TTC7A: variants seen among roughly 807,000 people sequenced by gnomAD.
TTC7A encodes the protein tetratricopeptide repeat protein 7A.
In TTC7A, 110 loss-of-function variants were observed where a neutral mutation model predicts 103.7. The ratio of observed to expected loss-of-function variants is 1.06; its 90% CI spans 0.91 to 1.24. TTC7A has a LOEUF of 1.24. TTC7A is among the 50% of genes most tolerant of loss of function. The probability of loss-of-function intolerance (pLI) is 0.00; values close to 1 mark genes in which losing one functional copy is unlikely to be tolerated. For missense variants in TTC7A, 1,340 were observed against 1,116.3 expected, an observed-to-expected ratio of 1.20 and a Z score of -2.86; for synonymous variants, 521 against 467.9, an observed-to-expected ratio of 1.11 and a Z score of -1.47.
rs1036583764 is a variant in TTC7A at position 46,979,934 on chromosome 2, G to A, written c.764+1027G>A. Among the ~76,000 whole-genome samples the A allele has an allele frequency of 2.6e-5, 4 of 152,282 alleles. No individual in the cohort carries two copies. In the South Asian group the frequency reaches 6.2e-4, roughly 24 times the overall value. On this transcript the variant is annotated intron_variant, in intron 5 of 19. Coordinates refer to ENST00000319190, the MANE Select transcript of TTC7A (RefSeq NM_020458.4). Reference sequence around the variant, plus strand: ...GCAGCCGTCCCCCGTGCGTAGTCACGCCCTGCCTCACTCAGCCTTCCATGG... The same window carrying A: ...GCAGCCGTCCCCCGTGCGTAGTCACACCCTGCCTCACTCAGCCTTCCATGG...
rs1453524489 is a variant in TTC7A, at chr2:47,007,679, C to T, written c.1287+955C>T. ...CCTCGGCAGCCGAGGCAGGCCAGGC[C>T]CTGGCAGGGAGGGGGAAGAGGAGCA... On this transcript the variant is annotated intron_variant, in intron 10 of 19. Transcript: ENST00000319190. The surrounding 1 kb of genome is among the most constrained non-coding windows in gnomAD (Gnocchi z 4.9). Among the ~76,000 whole-genome samples, 2 of 152,150 alleles carry T rather than the reference C, an allele frequency of 1.3e-5. No individual in the cohort carries two copies. The highest frequency in any genetic ancestry group is 2.4e-5 in the African/African-American group (1 of 41,432).
chr2:46,944,423 A>G (rs1572682733), intron 1 of TTC7A, among the ~76,000 whole-genome samples: 1 of 111,090 alleles, frequency 9.0e-6, no homozygotes, highest in Non-Finnish European at 1.7e-5. Flanking sequence ...TCTTTCACCC[A>G]GACTGGAGTT....
intron 2 of TTC7A, among the ~76,000 whole-genome samples, chr2:46,954,461 A>G (rs1671671056): frequency 6.6e-6 from 1 of 152,188 alleles, no homozygotes; most frequent in Non-Finnish European, 1.5e-5. Flanking sequence ...TTAAGAAGCA[A>G]AAAATAGCAG....
chr2:47,043,779 G>A (rs373389547), intron 15 of TTC7A, among the ~76,000 whole-genome samples: 51 of 152,264 alleles, frequency 3.3e-4, no homozygotes, highest in African/African-American at 1.2e-3. Context: ...GAGAAAATCC[G>A]CTCTGGGCCA....
At chr2:46,975,782 G>C (rs746442136) in intron 4 of TTC7A, among the ~76,000 whole-genome samples, 25 of 151,772 alleles carry the variant, frequency 1.6e-4, no homozygotes, top group Admixed American at 3.9e-4. Context: ...TGTTACCCAG[G>C]CTGGAGTTCA....
chr2:47,004,208 A>G (rs1268311598), intron 8 of TTC7A, among the ~76,000 whole-genome samples: 3 of 152,200 alleles, frequency 2.0e-5, no homozygotes, highest in Non-Finnish European at 4.4e-5. Context: ...AACTGTGGCA[A>G]CAGGGCAGCC....
At chr2:46,945,841 T>A (rs1369510647) in intron 1 of TTC7A, among the ~76,000 whole-genome samples, 1 of 152,218 alleles carries the variant, frequency 6.6e-6, no homozygotes, top group Non-Finnish European at 1.5e-5. Context: ...TTCAGCCTTT[T>A]CCTCTTGGCT....
rs1048404148 is a variant in TTC7A at position 47,029,140 on chromosome 2, T to C, written c.1642-84T>C. 5 of 1,512,354 alleles carry C rather than the reference T, an allele frequency of 3.3e-6. No homozygotes were observed. The African/African-American group carries it at 5.5e-5, about 17-fold the overall frequency. 93.7% of individuals were successfully genotyped at this position (1,512,354 alleles called of 1,614,324 possible). A position where few individuals can be genotyped will look rare whatever the true frequency, so the allele number is the denominator to read the frequency against. On this transcript the variant is annotated intron_variant, in intron 14 of 19. Transcript: ENST00000319190. ...GGGGCTCCCTTGAGTTGAGTGTGAG[T>C]GCCCTTGTTGACTGGCACGTGGCTC...
chr2:47,030,058 C>T (rs1004073282), intron 15 of TTC7A, among the ~76,000 whole-genome samples: 2 of 152,196 alleles, frequency 1.3e-5, no homozygotes, highest in African/African-American at 4.8e-5. Flanking sequence ...GCCTTCTGCC[C>T]CTAAGGGCAG....
intron 3 of TTC7A, among the ~76,000 whole-genome samples, chr2:46,962,099 A>G (rs1445724661): frequency 6.6e-6 from 1 of 151,330 alleles, no homozygotes; most frequent in African/African-American, 2.4e-5. Flanking sequence ...CCCTCAACCA[A>G]TCTCCCTCTC....
intron 18 of TTC7A, among the ~76,000 whole-genome samples, chr2:47,059,837 G>A (rs1573063702): frequency 6.6e-6 from 1 of 152,122 alleles, no homozygotes; most frequent in Non-Finnish European, 1.5e-5. Flanking sequence ...TCTGTGCCCA[G>A]TTTTTGCCCC....
chr2:46,976,887 G>A (rs368391143), intron 4 of TTC7A, among the ~76,000 whole-genome samples: 7 of 152,278 alleles, frequency 4.6e-5, no homozygotes, highest in South Asian at 2.1e-4. Flanking sequence ...AGAAATGACC[G>A]ATGGGCTCAG....
intron 18 of TTC7A, chr2:47,054,049 C>A: frequency 2.1e-6 from 2 of 933,872 alleles, no homozygotes; most frequent in Non-Finnish European, 2.6e-6. Context: ...GCCTTTCAGT[C>A]ATTTGCACAT....
intron 4 of TTC7A, 135 bp downstream of exon 4, chr2:46,975,238 T>C: frequency 8.5e-7 from 1 of 1,179,104 alleles, no homozygotes; most frequent in Non-Finnish European, 1.2e-6. Flanking sequence ...GACACTCTAC[T>C]TCATAGTTGG....
At chr2:47,051,673 C>A (rs915040993) in intron 17 of TTC7A, 73 bp from the exon 18 acceptor site, 33 of 1,519,226 alleles carry the variant, frequency 2.2e-5, no homozygotes, top group Non-Finnish European at 2.7e-5. Context: ...TGGTGCTGGG[C>A]AATGACTGCT....
chr2:46,931,248 A>T (rs916836809), intron 2 of TTC7A, among the ~76,000 whole-genome samples: 7 of 152,262 alleles, frequency 4.6e-5, no homozygotes, highest in Admixed American at 1.3e-4. Context: ...CTAGCTAATT[A>T]AAAAAAATTT....
intron 19 of TTC7A, 92 bp from the exon 20 acceptor site, chr2:47,073,610 G>C: frequency 9.2e-7 from 1 of 1,081,154 alleles, no homozygotes; most frequent in South Asian, 1.4e-5. Context: ...GCTGATGGCT[G>C]CTGCCACCCG....
At chr2:46,931,332 C>T (rs564624838) in intron 2 of TTC7A, among the ~76,000 whole-genome samples, 5 of 152,372 alleles carry the variant, frequency 3.3e-5, no homozygotes, top group East Asian at 3.9e-4. Context: ...GCAATCCTCT[C>T]GCCTCAGCTT....
intron 15 of TTC7A, among the ~76,000 whole-genome samples, chr2:47,042,461 C>G (rs193055564): frequency 1.3e-4 from 20 of 152,118 alleles, no homozygotes; most frequent in Non-Finnish European, 2.6e-4. Flanking sequence ...ATGATCACGT[C>G]ACTGCACTCT....
Sources: gnomAD v4.1 joint callset for allele counts (sites outside exome capture counted in the v4.1 genomes callset) on GRCh38, gnomAD v4.1.1 for gene constraint, Gnocchi (gnomAD v3.1) non-coding constraint, MANE v1.5 for transcripts, NCBI Gene and HGNC (gene_info 2026-07-23, HGNC 2026-07-21) for gene names.